Variants in AFAP1 observed in about 807,000 individuals in gnomAD.
The protein encoded by AFAP1 is actin filament associated protein 1.
AFAP1 carries 75 observed loss-of-function variants against 93.9 expected under a neutral mutation model. That is an observed-to-expected ratio of 0.80 (90% CI 0.66 to 0.97). AFAP1 has a LOEUF of 0.97. AFAP1 is among the 50% of genes least tolerant of loss of function. The probability of loss-of-function intolerance (pLI) is 0.00; values close to 1 mark genes in which losing one functional copy is unlikely to be tolerated. For missense variants in AFAP1, 1,201 were observed against 1,050.8 expected (o/e 1.14, Z -1.98); for synonymous variants, 517 against 430.7 (o/e 1.20, Z -2.48).
intron 11 of AFAP1, among the ~76,000 whole-genome samples, chr4:7,788,364 C>T (rs1387239227): frequency 6.6e-6 from 1 of 152,228 alleles, no homozygotes; most frequent in African/African-American, 2.4e-5. Context: ...CGGGAGGTAC[C>T]GGGCTTGGGG....
chr4:7,926,709 G>C (rs1379877006), intron 1 of AFAP1, among the ~76,000 whole-genome samples: 3 of 152,148 alleles, frequency 2.0e-5, no homozygotes, highest in Non-Finnish European at 4.4e-5. Context: ...TCCCTAGAAT[G>C]AGTCAGCCCA....
chr4:7,852,399 G>C (rs368647401), intron 4 of AFAP1, among the ~76,000 whole-genome samples: 2 of 152,322 alleles, frequency 1.3e-5, no homozygotes, highest in East Asian at 3.9e-4. Flanking sequence ...GTCAGTAACA[G>C]GCAAAGAAGT....
chr4:7,876,200 G>A (rs111240490), intron 1 of AFAP1, among the ~76,000 whole-genome samples: 7 of 152,182 alleles, frequency 4.6e-5, no homozygotes, highest in African/African-American at 1.2e-4. Context: ...TCTACAGTGC[G>A]ACCATGAGGC....
chr4:7,814,388 G>A (rs1172378347), intron 8 of AFAP1, among the ~76,000 whole-genome samples: 1 of 152,232 alleles, frequency 6.6e-6, no homozygotes, highest in East Asian at 1.9e-4. Flanking sequence ...AGGCTGGAGA[G>A]AAGCCTATGA....
At chr4:7,850,418 C>T (rs1008738756) in intron 4 of AFAP1, among the ~76,000 whole-genome samples, 1 of 152,194 alleles carries the variant, frequency 6.6e-6, no homozygotes. Flanking sequence ...TTCAACCAAT[C>T]CCCCTGGAGG....
At chr4:7,793,893 A>C (rs536920811) in intron 10 of AFAP1, 67 bp from the exon 11 acceptor site, 1 of 1,408,104 alleles carries the variant, frequency 7.1e-7, no homozygotes, top group African/African-American at 1.4e-5. Flanking sequence ...TAAATGTGTC[A>C]ATAAAGAGAC....
intron 4 of AFAP1, among the ~76,000 whole-genome samples, chr4:7,849,810 T>G (rs933959684): frequency 2.0e-5 from 3 of 152,198 alleles, no homozygotes; most frequent in African/African-American, 7.2e-5. Context: ...ACTTTTCTAC[T>G]TGCGATTCTT....
intron 2 of AFAP1, among the ~76,000 whole-genome samples, chr4:7,869,428 C>T (rs770907318): frequency 6.6e-6 from 1 of 152,084 alleles, no homozygotes; most frequent in Non-Finnish European, 1.5e-5. Flanking sequence ...TCCTGGGAAT[C>T]AATAAATTTT....
At chr4:7,802,742 C>T (rs754995801) in intron 9 of AFAP1, among the ~76,000 whole-genome samples, 6 of 151,184 alleles carry the variant, frequency 4.0e-5, no homozygotes, top group Non-Finnish European at 5.9e-5. Flanking sequence ...CTCTGCCTCC[C>T]GGGTTCACGC....
intron 14 of AFAP1, 79 bp downstream of exon 14, chr4:7,778,683 G>A (rs1012930560): frequency 1.0e-5 from 14 of 1,385,792 alleles, no homozygotes; most frequent in African/African-American, 2.8e-5. Context: ...TGGCACTCAC[G>A]GGTGGGCAGG....
At chr4:7,768,778 C>T (rs1051761809) in intron 17 of AFAP1, 66 bp downstream of exon 17, 65 of 1,477,198 alleles carry the variant, frequency 4.4e-5, no homozygotes, top group Middle Eastern at 2.6e-4. Context: ...TACTCACACC[C>T]GAGAATGCTG....
chr4:7,786,672 T>A (rs1717295341), intron 11 of AFAP1, among the ~76,000 whole-genome samples: 1 of 152,058 alleles, frequency 6.6e-6, no homozygotes, highest in Non-Finnish European at 1.5e-5. Flanking sequence ...AAATAACAGG[T>A]GTTCAGAAAT....
At chr4:7,806,955 T>C (rs1719567352) in intron 9 of AFAP1, among the ~76,000 whole-genome samples, 1 of 152,096 alleles carries the variant, frequency 6.6e-6, no homozygotes, top group Admixed American at 6.6e-5. Context: ...ACGGGAGTGT[T>C]CAGATCTTTC....
At chr4:7,934,823 A>T (rs1452763419) in intron 1 of AFAP1, among the ~76,000 whole-genome samples, 1 of 152,214 alleles carries the variant, frequency 6.6e-6, no homozygotes, top group Non-Finnish European at 1.5e-5. Flanking sequence ...TAGAAACTGC[A>T]ATGTCAAGAA....
chr4:7,848,356 C>A (rs998383466), intron 4 of AFAP1, among the ~76,000 whole-genome samples: 11 of 152,064 alleles, frequency 7.2e-5, no homozygotes, highest in Non-Finnish European at 1.6e-4. Flanking sequence ...CTGGGATGCG[C>A]AAAGCGTGGC....
In AFAP1 at chr4:7,889,742, A is replaced by C. The variant is rs184805358; in HGVS notation, c.-2-17662T>G. Among the ~76,000 whole-genome samples, 491 of 150,860 alleles carry C rather than the reference A, an allele frequency of 3.3e-3. 2 individuals carry two copies. Among genetic ancestry groups the C allele is most frequent in the African/African-American group, 0.012 (479 of 41,298 alleles). On this transcript the variant is annotated intron_variant, in intron 1 of 17. Coordinates refer to ENST00000420658, the MANE Select transcript of AFAP1 (RefSeq NM_001134647.2). ...ATTGAAAAATGAAAGAAAAGGAAAA[A>C]AGCAACCTAGTACCACTTCCAATAG...
intron 12 of AFAP1, among the ~76,000 whole-genome samples, chr4:7,784,233 C>T (rs1013947032): frequency 9.9e-5 from 15 of 152,206 alleles, no homozygotes; most frequent in Admixed American, 8.5e-4. Flanking sequence ...GATACCCCTC[C>T]GCCTAAGATG....
At chr4:7,936,850 G>A (rs1721418943) in intron 1 of AFAP1, among the ~76,000 whole-genome samples, 1 of 152,046 alleles carries the variant, frequency 6.6e-6, no homozygotes, top group South Asian at 2.1e-4. Context: ...CAAAGTGTTG[G>A]GATTACAGGC....
At chr4:7,902,449 A>C (rs1383835622) in intron 1 of AFAP1, among the ~76,000 whole-genome samples, 2 of 152,372 alleles carry the variant, frequency 1.3e-5, no homozygotes, top group African/African-American at 4.8e-5. Context: ...ACAGGAAGCT[A>C]AAGTGCCTCA....
Sources: gnomAD v4.1 joint callset for allele counts (sites outside exome capture counted in the v4.1 genomes callset) on GRCh38, gnomAD v4.1.1 for gene constraint, MANE v1.5 for transcripts, NCBI Gene and HGNC (gene_info 2026-07-23, HGNC 2026-07-21) for gene names.